The following KHDRBS2 variants were observed in gnomAD, a reference collection of about 807,000 sequenced individuals.
The protein encoded by KHDRBS2 is KH domain-containing, RNA-binding, signal transduction-associated protein 2.
Under a neutral mutation model 44.3 loss-of-function variants are expected in KHDRBS2, and 26 were observed. That is an observed-to-expected ratio of 0.59 (90% CI 0.43 to 0.81). KHDRBS2 has a LOEUF of 0.81. Ranked by LOEUF, KHDRBS2 falls within the 40% of genes least tolerant of loss-of-function variation. The probability of loss-of-function intolerance (pLI) is 0.00; values close to 1 mark genes in which losing one functional copy is unlikely to be tolerated. For synonymous variants in KHDRBS2, 194 were observed against 151.1 expected (o/e 1.28, Z -2.08); for missense variants, 476 against 433.1 (o/e 1.10, Z -0.88).
chr6:61,710,769 T>C (rs1230998775), intron 7 of KHDRBS2, among the ~76,000 whole-genome samples: 1 of 148,228 alleles, frequency 6.7e-6, no homozygotes, highest in South Asian at 2.2e-4. Context: ...TACCTTCAGG[T>C]AGATCAGCTC....
intron 6 of KHDRBS2, among the ~76,000 whole-genome samples, chr6:61,872,365 A>G (rs1465140469): frequency 6.6e-6 from 1 of 152,130 alleles, no homozygotes; most frequent in Non-Finnish European, 1.5e-5. Flanking sequence ...TAGAAAATAT[A>G]ATAAATTTTA....
chr6:62,161,698 C>T (rs1036675388), intron 2 of KHDRBS2, among the ~76,000 whole-genome samples: 5 of 151,254 alleles, frequency 3.3e-5, no homozygotes, highest in Non-Finnish European at 7.4e-5. Context: ...ATTTTTGTCC[C>T]TCATTTCTGG....
chr6:61,615,937 G>C, the KHDRBS2 span, among the ~76,000 whole-genome samples: 1 of 152,124 alleles, frequency 6.6e-6, no homozygotes, highest in Non-Finnish European at 1.5e-5. Context: ...TAAATTCAAA[G>C]TTGACCAATC....
intron 6 of KHDRBS2, among the ~76,000 whole-genome samples, chr6:61,779,835 A>G (rs1230892245): frequency 6.6e-6 from 1 of 152,150 alleles, no homozygotes; most frequent in Non-Finnish European, 1.5e-5. Flanking sequence ...ATAAATTCCA[A>G]TACCACATAG....
At chr6:61,719,929 T>A (rs1772110894) in intron 7 of KHDRBS2, among the ~76,000 whole-genome samples, 1 of 152,230 alleles carries the variant, frequency 6.6e-6, no homozygotes, top group East Asian at 1.9e-4. Flanking sequence ...GCCTCCCGCC[T>A]CTTCCCACCC....
intron 6 of KHDRBS2, among the ~76,000 whole-genome samples, chr6:61,848,491 GTA>G (rs1180750340): frequency 0.11 from 3,481 of 30,376 alleles, 328 homozygotes; most frequent in Middle Eastern, 0.19. Flanking sequence ...ATATATATAT[GTA>G]TATATATATA....
At chr6:61,827,892 A>G (rs536315684) in intron 6 of KHDRBS2, among the ~76,000 whole-genome samples, 132 of 152,260 alleles carry the variant, frequency 8.7e-4, no homozygotes, top group African/African-American at 3.0e-3. Context: ...CTCAAATACC[A>G]TCACATTGGA....
At chr6:62,244,294 A>G (rs1294040027) in intron 1 of KHDRBS2, among the ~76,000 whole-genome samples, 5 of 152,170 alleles carry the variant, frequency 3.3e-5, no homozygotes, top group African/African-American at 9.6e-5. Context: ...CATAAATATC[A>G]TAAGTTCCAT....
At chr6:61,892,887 C>G (rs1019275835) in intron 6 of KHDRBS2, among the ~76,000 whole-genome samples, 1 of 151,992 alleles carries the variant, frequency 6.6e-6, no homozygotes, top group Non-Finnish European at 1.5e-5. Context: ...GCAACAAAAG[C>G]CAAAATTGAC....
At position 61,779,187 on chromosome 6, in the gene KHDRBS2, T is replaced by C. The variant is rs749686342; in HGVS notation, c.811-46423A>G. ...TTACATTAAATATATAAATGTAGTA[T>C]ACCAATTTTTTTTTATTTTAATGTC... On this transcript the variant is annotated intron_variant, in intron 6 of 8. Transcript: ENST00000281156. Among the ~76,000 whole-genome samples the C allele has an allele frequency of 2.2e-3, 341 of 152,276 alleles. 2 individuals are homozygous for C. The highest frequency in any genetic ancestry group is 8.0e-3 in the African/African-American group (332 of 41,570).
chr6:62,230,522 A>C (rs1431984294), intron 1 of KHDRBS2, among the ~76,000 whole-genome samples: 1 of 152,184 alleles, frequency 6.6e-6, no homozygotes, highest in African/African-American at 2.4e-5. Flanking sequence ...GGTGGCTATC[A>C]CAGAAGTTAG....
chr6:61,752,781 T>G (rs1429865532), intron 6 of KHDRBS2, among the ~76,000 whole-genome samples: 1 of 151,388 alleles, frequency 6.6e-6, no homozygotes, highest in African/African-American at 2.4e-5. Flanking sequence ...TTAAACTGAG[T>G]ATATATTATA....
chr6:61,770,990 G>C (rs1780790604), intron 6 of KHDRBS2, among the ~76,000 whole-genome samples: 1 of 152,154 alleles, frequency 6.6e-6, no homozygotes, highest in African/African-American at 2.4e-5. Flanking sequence ...CGGATCTCTT[G>C]GCAGAAACTC....
chr6:61,727,847 T>C (rs1773823868), intron 7 of KHDRBS2, among the ~76,000 whole-genome samples: 1 of 152,208 alleles, frequency 6.6e-6, no homozygotes, highest in Admixed American at 6.5e-5. Flanking sequence ...AGTTAAACTA[T>C]TGTGGAAGAC....
chr6:62,010,932 C>T (rs1780181508), intron 3 of KHDRBS2, among the ~76,000 whole-genome samples: 1 of 152,008 alleles, frequency 6.6e-6, no homozygotes, highest in Non-Finnish European at 1.5e-5. Flanking sequence ...AACATTCCAC[C>T]TCCTGTATTA....
chr6:61,559,280 C>T, the KHDRBS2 span, among the ~76,000 whole-genome samples: 21 of 151,672 alleles, frequency 1.4e-4, no homozygotes, highest in African/African-American at 4.8e-4. Context: ...TTTTTCCATC[C>T]TTTTCTTACC....
At chr6:61,932,109 C>G (rs944816493) in intron 4 of KHDRBS2, among the ~76,000 whole-genome samples, 1 of 151,930 alleles carries the variant, frequency 6.6e-6, no homozygotes, top group East Asian at 1.9e-4. Flanking sequence ...TAATAGTAGG[C>G]TATTTGTAGT....
At chr6:62,125,015 G>C (rs914467258) in intron 2 of KHDRBS2, among the ~76,000 whole-genome samples, 25 of 151,898 alleles carry the variant, frequency 1.6e-4, no homozygotes, top group African/African-American at 5.8e-4. Flanking sequence ...TTTTTTTCAT[G>C]TTTCTTGGCC....
chr6:62,133,233 C>T (rs776738623), intron 2 of KHDRBS2, among the ~76,000 whole-genome samples: 2 of 152,086 alleles, frequency 1.3e-5, no homozygotes, highest in Non-Finnish European at 2.9e-5. Context: ...AATTGTAGCT[C>T]CTATAATTCC....
Sources: allele counts gnomAD v4.1 joint callset (sites outside exome capture counted in the v4.1 genomes callset), GRCh38; gene constraint gnomAD v4.1.1; transcripts MANE v1.5; gene names NCBI Gene and HGNC (gene_info 2026-07-23, HGNC 2026-07-21).